The following PTPRT variants were observed in gnomAD, a reference collection of about 807,000 sequenced individuals.
PTPRT encodes the protein receptor-type tyrosine-protein phosphatase T.
In PTPRT, 56 loss-of-function variants were observed where a neutral mutation model predicts 176.8. The ratio of observed to expected loss-of-function variants is 0.32; its 90% CI spans 0.26 to 0.40. The LOEUF is 0.40. PTPRT is among the 10% of genes least tolerant of loss of function. The probability of loss-of-function intolerance (pLI) is 1.00; values close to 1 mark genes in which losing one functional copy is unlikely to be tolerated. For synonymous variants in PTPRT, 783 were observed against 739.0 expected, an observed-to-expected ratio of 1.06 and a Z score of -0.96; for missense variants, 1,540 against 1,908.2, an observed-to-expected ratio of 0.81 and a Z score of 3.60.
chr20:42,225,136 G>A (rs2055976521), intron 15 of PTPRT, among the ~76,000 whole-genome samples: 1 of 152,164 alleles, frequency 6.6e-6, no homozygotes, highest in Non-Finnish European at 1.5e-5. Context: ...ATTGCTTGGA[G>A]GGGAAAAATC....
intron 6 of PTPRT, among the ~76,000 whole-genome samples, chr20:42,755,235 T>C (rs1384133396): frequency 6.6e-6 from 1 of 152,086 alleles, no homozygotes; most frequent in African/African-American, 2.4e-5. Context: ...ACAGCCAGCA[T>C]AGAGAATCCC....
intron 1 of PTPRT, among the ~76,000 whole-genome samples, chr20:43,040,845 T>C (rs1010199673): frequency 1.3e-5 from 2 of 152,192 alleles, no homozygotes; most frequent in Non-Finnish European, 2.9e-5. Flanking sequence ...GAGGATACAG[T>C]GGGAATTCCC....
At chr20:42,398,331 T>C (rs2058871530) in intron 9 of PTPRT, among the ~76,000 whole-genome samples, 1 of 152,220 alleles carries the variant, frequency 6.6e-6, no homozygotes, top group Admixed American at 6.5e-5. Flanking sequence ...GCAGTAGCCA[T>C]AATGTATTAA....
rs1983203304 is a variant in PTPRT, at chr20:42,080,409, AG to A, written c.*469del. The A allele has an allele frequency of 4.3e-6, 1 of 233,780 alleles. No individual in the cohort carries two copies. The highest frequency in any genetic ancestry group is 8.4e-6 in the Non-Finnish European group (1 of 118,548). 14.5% of individuals were successfully genotyped at this position (233,780 alleles called of 1,614,324 possible). A position where few individuals can be genotyped will look rare whatever the true frequency, so the allele number is the denominator to read the frequency against. Reference sequence around the variant, plus strand: ...GCCAGAGGCCCCTGAAGGAGGTTGCAGGGGGCAGCAGAGCAGTGACCCCCAA... The same window carrying A: ...GCCAGAGGCCCCTGAAGGAGGTTGCAGGGGCAGCAGAGCAGTGACCCCCAA... On this transcript the variant is annotated 3_prime_UTR_variant, in exon 31 of 31. Transcript: ENST00000373187.
At chr20:42,317,000 G>A (rs1214000762) in intron 11 of PTPRT, among the ~76,000 whole-genome samples, 1 of 152,134 alleles carries the variant, frequency 6.6e-6, no homozygotes, top group African/African-American at 2.4e-5. Context: ...AGGCATTGTT[G>A]CTTACTTATC....
At chr20:42,182,907 G>GGT (rs10608197) in intron 16 of PTPRT, among the ~76,000 whole-genome samples, 8,757 of 144,456 alleles carry the variant, frequency 0.061, 271 homozygotes, top group African/African-American at 0.083. Flanking sequence ...TACAAGCAGG[G>GGT]GTGTGTGTGT....
chr20:42,810,398 G>C (rs552166739), intron 2 of PTPRT, among the ~76,000 whole-genome samples: 1 of 152,078 alleles, frequency 6.6e-6, no homozygotes, highest in Non-Finnish European at 1.5e-5. Context: ...TCAAAGCCCC[G>C]GCCCACTTAT....
chr20:42,140,638 C>G (rs1988583161), intron 18 of PTPRT, among the ~76,000 whole-genome samples: 2 of 152,148 alleles, frequency 1.3e-5, no homozygotes, highest in Non-Finnish European at 2.9e-5. Context: ...CCCTCTGCTA[C>G]CAGCCCTTCC....
At chr20:42,140,471 G>A (rs1322207222) in intron 18 of PTPRT, among the ~76,000 whole-genome samples, 1 of 152,176 alleles carries the variant, frequency 6.6e-6, no homozygotes, top group African/African-American at 2.4e-5. Context: ...CAATACTTGT[G>A]TGTTACCTAT....
chr20:42,426,696 C>G (rs927568771), intron 9 of PTPRT, among the ~76,000 whole-genome samples: 1 of 152,176 alleles, frequency 6.6e-6, no homozygotes, highest in East Asian at 1.9e-4. Flanking sequence ...AGTGCTAGCC[C>G]GAGCTCCTGC....
intron 11 of PTPRT, among the ~76,000 whole-genome samples, chr20:42,322,028 C>T (rs150681582): frequency 3.3e-5 from 5 of 152,262 alleles, no homozygotes; most frequent in African/African-American, 7.2e-5. Context: ...GCCGAGATCA[C>T]GCCACTGCAC....
At chr20:42,266,863 C>A (rs1325590274) in intron 13 of PTPRT, among the ~76,000 whole-genome samples, 1 of 152,132 alleles carries the variant, frequency 6.6e-6, no homozygotes, top group South Asian at 2.1e-4. Flanking sequence ...ACTTAGAGCA[C>A]TTGAAAGGTG....
intron 18 of PTPRT, among the ~76,000 whole-genome samples, chr20:42,133,496 TAG>T (rs1192502593): frequency 2.0e-5 from 3 of 152,126 alleles, no homozygotes; most frequent in African/African-American, 7.2e-5. Context: ...GATAAAACTC[TAG>T]ACACAGGAGA....
chr20:42,633,050 A>G (rs1367638566), intron 7 of PTPRT, among the ~76,000 whole-genome samples: 1 of 152,194 alleles, frequency 6.6e-6, no homozygotes, highest in Non-Finnish European at 1.5e-5. Context: ...TCCAATATCT[A>G]TCTTCATTTG....
At position 42,406,654 on chromosome 20, in the gene PTPRT, C is replaced by T. The variant is rs12625903; in HGVS notation, c.1560+41566G>A. ...TTTTCCATTCATTTTATATATCCAA[C>T]ATAATTTTCATGCCAAAACAGGATA... is the stretch of plus-strand genomic sequence containing the variant. On this transcript the variant is annotated intron_variant, in intron 9 of 30. Transcript: ENST00000373187. Among the ~76,000 whole-genome samples the T allele has an allele frequency of 1.4e-3, 216 of 152,034 alleles. 4 individuals are homozygous for T. The East Asian group carries it at 0.033, about 23-fold the overall frequency.
intron 1 of PTPRT, among the ~76,000 whole-genome samples, chr20:43,024,219 T>C (rs909425173): frequency 2.0e-5 from 3 of 152,156 alleles, no homozygotes; most frequent in Non-Finnish European, 4.4e-5. Context: ...GCCCACCTTA[T>C]AGGGTTGTTG....
chr20:42,844,043 G>A (rs1437745378), intron 2 of PTPRT, among the ~76,000 whole-genome samples: 1 of 152,214 alleles, frequency 6.6e-6, no homozygotes, highest in Admixed American at 6.5e-5. Flanking sequence ...GTAGTTAAGT[G>A]TATGTATTGA....
At chr20:42,243,822 C>T (rs138096369) in intron 14 of PTPRT, among the ~76,000 whole-genome samples, 440 of 152,300 alleles carry the variant, frequency 2.9e-3, no homozygotes, top group Non-Finnish European at 4.4e-3. Context: ...TCAGTTTCTT[C>T]TTTTCAAACA....
At chr20:42,369,257 G>C (rs1030287085) in intron 9 of PTPRT, among the ~76,000 whole-genome samples, 2 of 152,084 alleles carry the variant, frequency 1.3e-5, no homozygotes, top group Non-Finnish European at 2.9e-5. Context: ...GTGCCACCAC[G>C]TCTGGCTTGG....
Sources: gnomAD v4.1 joint callset for allele counts (sites outside exome capture counted in the v4.1 genomes callset) on GRCh38, gnomAD v4.1.1 for gene constraint, MANE v1.5 for transcripts, NCBI Gene and HGNC (gene_info 2026-07-23, HGNC 2026-07-21) for gene names.